MIR2052HG: variants seen among roughly 807,000 people sequenced by gnomAD.
MIR2052HG encodes MIR2052 host gene.
chr8:74,709,452 G>A (rs1809444917), intron 4 of MIR2052HG, among the ~76,000 whole-genome samples: 1 of 151,954 alleles, frequency 6.6e-6, no homozygotes, highest in African/African-American at 2.4e-5. Flanking sequence ...TGGGGGAGGA[G>A]TTGGGTAAAT....
At chr8:74,719,851 T>TTC (rs1554577792) in intron 4 of MIR2052HG, among the ~76,000 whole-genome samples, 3 of 131,078 alleles carry the variant, frequency 2.3e-5, no homozygotes, top group South Asian at 2.4e-4. Flanking sequence ...TCTTTTTTCT[T>TTC]TTTTTTTTTT....
At chr8:74,679,848 T>C (rs11781603) in intron 2 of MIR2052HG, among the ~76,000 whole-genome samples, 1 of 152,022 alleles carries the variant, frequency 6.6e-6, no homozygotes, top group Admixed American at 6.6e-5. Flanking sequence ...AGCTGCCTGG[T>C]TACAATTCTT....
chr8:74,681,933 A>G (rs543119938), intron 2 of MIR2052HG, among the ~76,000 whole-genome samples: 1 of 152,308 alleles, frequency 6.6e-6, no homozygotes, highest in Non-Finnish European at 1.5e-5. Flanking sequence ...ATTACAGATC[A>G]CTGGGGAAAT....
chr8:74,676,767 A>C (rs575280250), intron 2 of MIR2052HG, among the ~76,000 whole-genome samples: 2 of 152,110 alleles, frequency 1.3e-5, no homozygotes, highest in East Asian at 3.9e-4. Context: ...GTATGCTTGA[A>C]ATTTGCTAAA....
chr8:74,666,975 G>A lies in MIR2052HG; in HGVS notation n.217-35404G>A, dbSNP rs149362278. ...GAGACAGCTGGGCATCTCTTTTTGGGCTCCAGTTCATCCTAGCGCCTTTCC... is the reference window on the plus strand; with the variant it reads ...GAGACAGCTGGGCATCTCTTTTTGGACTCCAGTTCATCCTAGCGCCTTTCC... On this transcript the variant is annotated intron_variant and non_coding_transcript_variant, in intron 2 of 6. Transcript: ENST00000523442. 4.7e-3 allele frequency among the ~76,000 whole-genome samples: 717 copies of A among 152,274 alleles called. 17 individuals are homozygous for A. The highest frequency in any genetic ancestry group is 0.032 in the Admixed American group (488 of 15,298).
At chr8:74,623,817 C>T (rs180917533) in intron 2 of MIR2052HG, among the ~76,000 whole-genome samples, 3 of 152,324 alleles carry the variant, frequency 2.0e-5, no homozygotes, top group African/African-American at 7.2e-5. Flanking sequence ...TCAATTGCTA[C>T]ATGGCTTGAT....
chr8:74,690,938 G>C (rs1809233531), intron 2 of MIR2052HG, among the ~76,000 whole-genome samples: 1 of 152,116 alleles, frequency 6.6e-6, no homozygotes, highest in Admixed American at 6.5e-5. Flanking sequence ...TTTTCTTAAA[G>C]TTATGTATGA....
chr8:74,634,209 T>C (rs534586467), intron 2 of MIR2052HG, among the ~76,000 whole-genome samples: 8 of 152,248 alleles, frequency 5.3e-5, no homozygotes, highest in African/African-American at 1.9e-4. Flanking sequence ...AGAACAGGCA[T>C]TCAGGAAAGA....
At position 74,731,584 on chromosome 8, in the gene MIR2052HG, C is replaced by A. The variant is rs142655904; in HGVS notation, n.372-20857C>A. Among the ~76,000 whole-genome samples the A allele has an allele frequency of 3.9e-5, 6 of 152,262 alleles. 1 individual carries two copies. The highest frequency in any genetic ancestry group is 1.4e-4 in the African/African-American group (6 of 41,560). ...AGGTACTGCATTACCTAGAGACAAC[C>A]AGCCTTGAAGAATGCTTAAATAGTC... On this transcript the variant is annotated intron_variant and non_coding_transcript_variant, in intron 4 of 6. Coordinates refer to ENST00000523442, the Ensembl canonical transcript of MIR2052HG.
intron 2 of MIR2052HG, among the ~76,000 whole-genome samples, chr8:74,661,317 C>G (rs1224651599): frequency 6.6e-6 from 1 of 151,958 alleles, no homozygotes; most frequent in Non-Finnish European, 1.5e-5. Context: ...ATTCTCCTGC[C>G]TCAGCCTCCC....
chr8:74,721,284 G>T (rs1039599401), intron 4 of MIR2052HG, among the ~76,000 whole-genome samples: 1 of 152,146 alleles, frequency 6.6e-6, no homozygotes. Context: ...ACTCCTAGCT[G>T]CAAGGAAAGC....
intron 2 of MIR2052HG, among the ~76,000 whole-genome samples, chr8:74,621,437 G>C (rs1244203706): frequency 6.6e-6 from 1 of 152,156 alleles, no homozygotes; most frequent in African/African-American, 2.4e-5. Context: ...ATTTTTAAAG[G>C]AAAGAGGTTT....
At chr8:74,745,145 G>A (rs1809870980) in intron 4 of MIR2052HG, among the ~76,000 whole-genome samples, 1 of 152,028 alleles carries the variant, frequency 6.6e-6, no homozygotes, top group Non-Finnish European at 1.5e-5. Context: ...TCAGGAGCCT[G>A]TAGTTTCAGC....
chr8:74,641,170 G>A (rs1586900861), intron 2 of MIR2052HG, among the ~76,000 whole-genome samples: 1 of 152,146 alleles, frequency 6.6e-6, no homozygotes, highest in African/African-American at 2.4e-5. Context: ...AAATGAAACA[G>A]CCTTCCTATT....
At chr8:74,636,240 T>C (rs1808579918) in intron 2 of MIR2052HG, among the ~76,000 whole-genome samples, 1 of 152,180 alleles carries the variant, frequency 6.6e-6, no homozygotes. Context: ...TACCTTTCTG[T>C]AGACTTTACC....
chr8:74,659,518 G>A (rs991013472), intron 2 of MIR2052HG, among the ~76,000 whole-genome samples: 1 of 152,088 alleles, frequency 6.6e-6, no homozygotes, highest in Admixed American at 6.5e-5. Context: ...GCAGCTCACT[G>A]TAGCCTTGAA....
chr8:74,640,864 A>G (rs981880067), intron 2 of MIR2052HG, among the ~76,000 whole-genome samples: 4 of 152,216 alleles, frequency 2.6e-5, no homozygotes, highest in Non-Finnish European at 4.4e-5. Flanking sequence ...AATAAACTGT[A>G]CGAAAGCTCT....
intron 1 of MIR2052HG, among the ~76,000 whole-genome samples, chr8:74,600,182 C>A: frequency 6.6e-6 from 1 of 152,166 alleles, no homozygotes; most frequent in Non-Finnish European, 1.5e-5. Context: ...AGAAATCACC[C>A]TTCTTCTGCG....
At chr8:74,724,867 C>A (rs1586924233) in intron 4 of MIR2052HG, among the ~76,000 whole-genome samples, 1 of 151,260 alleles carries the variant, frequency 6.6e-6, no homozygotes, top group East Asian at 2.0e-4. Context: ...TTTTTTTTCT[C>A]CAACTTTACC....
Sources: gnomAD v4.1 joint callset for allele counts (sites outside exome capture counted in the v4.1 genomes callset) on GRCh38, gnomAD v4.1.1 for gene constraint, MANE v1.5 for transcripts, NCBI Gene and HGNC (gene_info 2026-07-23, HGNC 2026-07-21) for gene names.